The following GRHL2 variants were observed in gnomAD, a reference collection of about 807,000 sequenced individuals.
The protein encoded by GRHL2 is grainyhead-like protein 2 homolog.
GRHL2 carries 21 observed loss-of-function variants against 83.8 expected under a neutral mutation model. The observed-to-expected ratio is 0.25, with a 90% CI of 0.18 to 0.36. The LOEUF (loss-of-function observed/expected upper bound fraction) is 0.36, where lower values mean the gene tolerates loss of function less well. GRHL2 is among the 10% of genes least tolerant of loss of function. The pLI is 1.00. For synonymous variants in GRHL2, 280 were observed against 278.9 expected (o/e 1.00, Z -0.04); for missense variants, 623 against 781.8 (o/e 0.80, Z 2.42).
intron 7 of GRHL2, among the ~76,000 whole-genome samples, chr8:101,595,793 C>T (rs1019813125): frequency 1.3e-5 from 2 of 151,576 alleles, no homozygotes; most frequent in African/African-American, 4.9e-5. Context: ...AAGGACAGAA[C>T]AGGAAGTGTT....
chr8:101,568,183 T>A (rs1811753397), intron 4 of GRHL2, among the ~76,000 whole-genome samples: 1 of 152,240 alleles, frequency 6.6e-6, no homozygotes, highest in Non-Finnish European at 1.5e-5. Flanking sequence ...AATCAGATGT[T>A]TAAATTTATT....
intron 7 of GRHL2, among the ~76,000 whole-genome samples, chr8:101,582,231 C>T (rs1435571948): frequency 1.5e-4 from 10 of 67,300 alleles, no homozygotes; most frequent in African/African-American, 2.1e-4. Context: ...GAGCAAGACT[C>T]CGTCTCAAAA....
At chr8:101,586,074 T>C (rs202033173) in intron 7 of GRHL2, among the ~76,000 whole-genome samples, 59,235 of 109,768 alleles carry the variant, frequency 0.54, 15,180 homozygotes, top group Non-Finnish European at 0.61. Flanking sequence ...TCTTTTTTTT[T>C]TTTTTTTTTT....
chr8:101,620,847 T>A (rs1812950638), intron 9 of GRHL2, among the ~76,000 whole-genome samples: 1 of 151,910 alleles, frequency 6.6e-6, no homozygotes, highest in African/African-American at 2.4e-5. Context: ...GCAAGAGGAC[T>A]GAGCATTGAA....
intron 8 of GRHL2, among the ~76,000 whole-genome samples, chr8:101,606,099 G>A (rs944635311): frequency 6.6e-6 from 1 of 152,186 alleles, no homozygotes; most frequent in African/African-American, 2.4e-5. Context: ...AGAAGATGAA[G>A]CTTGCAGGAG....
chr8:101,545,442 T>C (rs1287643776), intron 2 of GRHL2, among the ~76,000 whole-genome samples: 1 of 26,798 alleles, frequency 3.7e-5, no homozygotes, highest in Non-Finnish European at 6.8e-5. Context: ...GGGGAATTCC[T>C]GAAAAAAAAA....
intron 1 of GRHL2, chr8:101,542,741 C>T (rs752899007): frequency 2.2e-6 from 1 of 456,528 alleles, no homozygotes; most frequent in South Asian, 1.5e-5. Flanking sequence ...GATCAAGGGG[C>T]AGCATCTGAC....
intron 9 of GRHL2, among the ~76,000 whole-genome samples, chr8:101,620,141 G>A (rs184046465): frequency 3.9e-5 from 6 of 152,224 alleles, no homozygotes; most frequent in East Asian, 3.9e-4. Context: ...GAGAGAGCAC[G>A]TGCACAAGCT....
At chr8:101,631,771 G>A (rs765574402) in intron 10 of GRHL2, 47 bp downstream of exon 10, 2 of 1,484,316 alleles carry the variant, frequency 1.3e-6, no homozygotes, top group Non-Finnish European at 1.9e-6. Flanking sequence ...CTCCAGGTGG[G>A]CTGTGTCCAC....
At chr8:101,629,277 A>T (rs1573278) in intron 9 of GRHL2, among the ~76,000 whole-genome samples, 152,205 of 152,206 alleles carry the variant, frequency 1, 76,102 homozygotes, top group Middle Eastern at 1. Context: ...AGCAAAAAGA[A>T]TACAACTTGC....
At chr8:101,548,373 C>G (rs980344094) in intron 2 of GRHL2, among the ~76,000 whole-genome samples, 1 of 152,196 alleles carries the variant, frequency 6.6e-6, no homozygotes, top group Non-Finnish European at 1.5e-5. Flanking sequence ...CAAAAAGGGG[C>G]ATGTTCCAAG....
rs746434474 is a variant in GRHL2 at position 101,543,412 on chromosome 8, C to T, written c.192C>T (p.Leu64=). 4.0e-5 allele frequency: 65 copies of T among 1,613,904 alleles called. No homozygotes were observed. Among genetic ancestry groups the T allele is most frequent in the South Asian group, 1.8e-4 (16 of 91,066 alleles). The change falls in exon 2 of 16, where the codon CTC becomes CTT. Residue 64 remains leucine (L), a synonymous_variant. Transcript: ENST00000646743. ...INGDEDSAAA[L]GLLYDYYKVP... is the part of the protein sequence containing the mutation. ...GTGATGAGGACAGTGCTGCTGCCCT[C>T]GGCCTGCTCTATGACTACTACAAGG...
At chr8:101,578,162 A>T (rs1811971419) in intron 7 of GRHL2, among the ~76,000 whole-genome samples, 1 of 152,188 alleles carries the variant, frequency 6.6e-6, no homozygotes, top group Non-Finnish European at 1.5e-5. Context: ...ACTGGGCATG[A>T]ATTCATTGCC....
At chr8:101,633,545 C>A (rs965335038) in intron 11 of GRHL2, among the ~76,000 whole-genome samples, 1 of 152,198 alleles carries the variant, frequency 6.6e-6, no homozygotes, top group African/African-American at 2.4e-5. Flanking sequence ...TCTACAACCA[C>A]GGCTTTTTTG....
At chr8:101,493,394 C>T (rs2129940107) in intron 1 of GRHL2, among the ~76,000 whole-genome samples, 1 of 151,962 alleles carries the variant, frequency 6.6e-6, no homozygotes, top group Admixed American at 6.5e-5. Context: ...GCGGCCGGCG[C>T]CGTCCCCCAC....
chr8:101,553,955 C>G (rs1811440079), intron 3 of GRHL2, among the ~76,000 whole-genome samples: 1 of 152,092 alleles, frequency 6.6e-6, no homozygotes. Context: ...CAAACTCACC[C>G]ATCAATAAAT....
intron 14 of GRHL2, among the ~76,000 whole-genome samples, chr8:101,663,047 A>T (rs1190599219): frequency 3.3e-5 from 5 of 152,090 alleles, no homozygotes; most frequent in Admixed American, 2.6e-4. Context: ...TGTTTAACGG[A>T]TGTTTGTTAT....
At chr8:101,539,823 C>A (rs531952454) in intron 1 of GRHL2, among the ~76,000 whole-genome samples, 1 of 152,214 alleles carries the variant, frequency 6.6e-6, no homozygotes, top group East Asian at 1.9e-4. Flanking sequence ...AAATGTTGGC[C>A]CCTTATTTGT....
intron 1 of GRHL2, among the ~76,000 whole-genome samples, chr8:101,522,131 T>A (rs2130049146): frequency 6.6e-6 from 1 of 152,270 alleles, no homozygotes; most frequent in South Asian, 2.1e-4. Flanking sequence ...ATACTTTAAG[T>A]TCTAGGGTAC....
Sources: allele counts gnomAD v4.1 joint callset (sites outside exome capture counted in the v4.1 genomes callset), GRCh38; gene constraint gnomAD v4.1.1; transcripts MANE v1.5; gene names NCBI Gene and HGNC (gene_info 2026-07-23, HGNC 2026-07-21).